TYW5: variants seen among roughly 807,000 people sequenced by gnomAD.
TYW5 encodes tRNA-yW synthesizing protein 5.
A neutral mutation model predicts 44.4 loss-of-function variants in TYW5; 36 were observed. That is an observed-to-expected ratio of 0.81 (90% CI 0.62 to 1.07). TYW5 has a LOEUF of 1.07. Among genes scored for constraint, TYW5 ranks in the 50% least tolerant of loss-of-function variants. TYW5 has a pLI of 0.00. For synonymous variants in TYW5, 121 were observed against 128.1 expected (o/e 0.94, Z 0.37); for missense variants, 354 against 365.7 (o/e 0.97, Z 0.26).
At chr2:199,948,715 G>A (rs2077521818) in intron 1 of TYW5, among the ~76,000 whole-genome samples, 1 of 152,092 alleles carries the variant, frequency 6.6e-6, no homozygotes, top group African/African-American at 2.4e-5. Context: ...AATATATAAT[G>A]ACTAAAATTT....
At chr2:199,949,849 C>T (rs281774) in intron 1 of TYW5, among the ~76,000 whole-genome samples, 126,466 of 152,156 alleles carry the variant, frequency 0.83, 52,670 homozygotes, top group South Asian at 0.91. Flanking sequence ...AAATTCTCCA[C>T]TGAATTATTT....
Position 199,952,498 on chromosome 2 carries a change from T to C in TYW5, c.78+2895A>G, listed in dbSNP as rs914896359. On this transcript the variant is annotated intron_variant, in intron 1 of 7. Transcript: ENST00000354611. Reference sequence around the variant, plus strand: ...GTTTTTTCCCCCCTCAATCGTTTGCTCATTTTTCTACCAGATTTTCAGCCT... The same window carrying C: ...GTTTTTTCCCCCCTCAATCGTTTGCCCATTTTTCTACCAGATTTTCAGCCT... Among the ~76,000 whole-genome samples, 6 of 152,242 alleles carry C rather than the reference T, an allele frequency of 3.9e-5. No homozygotes were observed. The East Asian group carries it at 9.6e-4, about 24-fold the overall frequency.
At chr2:199,936,731 GA>G (rs1452850965) in intron 5 of TYW5, among the ~76,000 whole-genome samples, 2 of 152,324 alleles carry the variant, frequency 1.3e-5, no homozygotes, top group Non-Finnish European at 1.5e-5. Context: ...TGTGGAGTCA[GA>G]AAACGATTTG....
intron 1 of TYW5, among the ~76,000 whole-genome samples, chr2:199,952,470 A>G (rs1238143914): frequency 1.3e-5 from 2 of 152,116 alleles, no homozygotes; most frequent in African/African-American, 4.8e-5. Flanking sequence ...AGGCCATTTT[A>G]ATGTTTTTTC....
chr2:199,942,745 A>G (rs1432850107), intron 3 of TYW5: 1 of 152,170 alleles, frequency 6.6e-6, no homozygotes, highest in East Asian at 1.9e-4. Context: ...GACTGTAAAA[A>G]TGCAGCACCT....
chr2:199,948,144 C>T (rs1235175870), intron 2 of TYW5, 174 bp downstream of exon 2: 4 of 624,540 alleles, frequency 6.4e-6, no homozygotes, highest in Non-Finnish European at 1.1e-5. Context: ...TATGTAAACT[C>T]AGAACTCTTG....
chr2:199,929,794 A>G lies in TYW5; in HGVS notation c.*3273T>C, dbSNP rs2077360033. On this transcript the variant is annotated 3_prime_UTR_variant, in exon 8 of 8. Transcript: ENST00000354611. ...CTAATGTATTCAAATACCAAGACAA[A>G]TAATGTTATGAAATGCTAATAATTA... is the stretch of plus-strand genomic sequence containing the variant. Among the ~76,000 whole-genome samples the G allele has an allele frequency of 6.6e-6, 1 of 151,800 alleles. No individual in the cohort carries two copies. Among genetic ancestry groups the G allele is most frequent in the African/African-American group, 2.4e-5 (1 of 41,324 alleles).
chr2:199,944,044 G>A, intron 2 of TYW5: 1 of 419,200 alleles, frequency 2.4e-6, no homozygotes, highest in Non-Finnish European at 4.2e-6. Context: ...CTGAAATTTT[G>A]GAATTAAATA....
rs376486434 is a variant in TYW5, at chr2:199,933,279, C to T, written c.736G>A (p.Val246Met). 33 of 1,613,788 alleles carry T rather than the reference C, an allele frequency of 2.0e-5. No homozygotes were observed. In the African/African-American group the frequency reaches 4.4e-4, roughly 22 times the overall value. Reference sequence around the variant, plus strand: ...GGAAGGTGCTTCCAAAAGATATTCACTCCCACTCCAAACTCTTCAGAAATT... The same window carrying T: ...GGAAGGTGCTTCCAAAAGATATTCATTCCCACTCCAAACTCTTCAGAAATT... ...NVISEEFGVGVNIFWKHLPSE... is the reference protein window; with the variant it reads ...NVISEEFGVGMNIFWKHLPSE... The change falls in exon 8 of 8, where the codon GTG becomes ATG. Residue 246 changes from valine to methionine, a missense_variant. Physicochemically the swap from Val to Met is conservative, Grantham distance 21. Transcript: ENST00000354611.
intron 7 of TYW5, among the ~76,000 whole-genome samples, chr2:199,935,434 G>GT (rs2077410924): frequency 1.3e-5 from 2 of 151,660 alleles, no homozygotes; most frequent in Admixed American, 1.3e-4. Context: ...CCTCAACCTC[G>GT]TGGGCCCAAG....
At position 199,933,036 on chromosome 2, in the gene TYW5, G is replaced by A. The variant is rs764925979; in HGVS notation, c.*31C>T. The A allele has an allele frequency of 5.0e-6, 8 of 1,605,084 alleles. No individual in the cohort carries two copies. Among genetic ancestry groups the A allele is most frequent in the Non-Finnish European group, 6.8e-6 (8 of 1,176,222 alleles). ...ATTTATATCGTTATACCTTACTAAA[G>A]TGTTAATGTGCATTGCATTCACTTC... On this transcript the variant is annotated 3_prime_UTR_variant, in exon 8 of 8. Transcript: ENST00000354611.
In TYW5 at chr2:199,930,822, A is replaced by G. The variant is rs954713428; in HGVS notation, c.*2245T>C. ...ATCCCGGTTTCTATCACCCATAGCT[A>G]TGTGAACCCAGACAATCATTAAGCA... On this transcript the variant is annotated 3_prime_UTR_variant, in exon 8 of 8. Coordinates refer to ENST00000354611, the MANE Select transcript of TYW5 (RefSeq NM_001039693.3). The G allele has an allele frequency of 6.6e-6, 1 of 152,182 alleles. No individual in the cohort carries two copies. Among genetic ancestry groups the G allele is most frequent in the Non-Finnish European group, 1.5e-5 (1 of 68,028 alleles). The allele number at this position is 152,182 out of a possible 1,614,324, so 9.4% of individuals were successfully genotyped here.
At chr2:199,955,233 T>C in intron 1 of TYW5, 160 bp downstream of exon 1, 1 of 710,922 alleles carries the variant, frequency 1.4e-6, no homozygotes, top group Non-Finnish European at 2.3e-6. Context: ...GCGTCCCCCG[T>C]GCACCTTTCC....
chr2:199,947,860 GGCA>G, intron 2 of TYW5: 1 of 162,400 alleles, frequency 6.2e-6, no homozygotes, highest in Non-Finnish European at 1.3e-5. Context: ...GGGAGGCTGA[GGCA>G]GGTGGATGAC....
At chr2:199,941,123 G>A (rs1376808970) in intron 3 of TYW5, among the ~76,000 whole-genome samples, 4 of 152,076 alleles carry the variant, frequency 2.6e-5, no homozygotes, top group East Asian at 1.9e-4. Flanking sequence ...GCAGTGATGC[G>A]ATCACGCCCA....
In TYW5 at chr2:199,943,813, C is replaced by A; in HGVS notation, c.255G>T (p.Leu85Phe). The change falls in exon 3 of 8, where the codon TTG (leucine) becomes TTT (phenylalanine). Residue 85 changes from leucine (L) to phenylalanine (F), a missense_variant. By Grantham distance (22) the Leu-to-Phe change is conservative. Coordinates refer to ENST00000354611, the MANE Select transcript of TYW5 (RefSeq NM_001039693.3). Reference protein sequence around the residue: ...FVYRTLPFDQLVQRAAEEKHK... With the variant: ...FVYRTLPFDQFVQRAAEEKHK... ...GTTTCTCTTCAGCTGCCCTCTGGACCAACTGGTCAAAAGGTAAAGTTCTGA... is the reference window on the plus strand; with the variant it reads ...GTTTCTCTTCAGCTGCCCTCTGGACAAACTGGTCAAAAGGTAAAGTTCTGA... The A allele has an allele frequency of 6.2e-7, 1 of 1,609,720 alleles. No individual in the cohort carries two copies. The highest frequency in any genetic ancestry group is 8.5e-7 in the Non-Finnish European group (1 of 1,178,988).
Position 199,930,054 on chromosome 2 carries a change from C to G in TYW5, c.*3013G>C, listed in dbSNP as rs1236298889. On this transcript the variant is annotated 3_prime_UTR_variant, in exon 8 of 8. Coordinates refer to ENST00000354611, the MANE Select transcript of TYW5 (RefSeq NM_001039693.3). Reference sequence around the variant, plus strand: ...GCAGTTGCACAATTCCAGCTCACTGCAACCTGCACCTCCCAGGCTCAAGTG... The same window carrying G: ...GCAGTTGCACAATTCCAGCTCACTGGAACCTGCACCTCCCAGGCTCAAGTG... 1 of 148,360 alleles carries G rather than the reference C, an allele frequency of 6.7e-6. No individual in the cohort carries two copies. The highest frequency in any genetic ancestry group is 6.9e-5 in the Admixed American group (1 of 14,532). 9.2% of individuals were successfully genotyped at this position (148,360 alleles called of 1,614,324 possible). A position where few individuals can be genotyped will look rare whatever the true frequency, so the allele number is the denominator to read the frequency against.
At chr2:199,937,559 T>C (rs1464186499) in intron 5 of TYW5, among the ~76,000 whole-genome samples, 1 of 151,748 alleles carries the variant, frequency 6.6e-6, no homozygotes, top group Admixed American at 6.6e-5. Context: ...ATCCTAGCTA[T>C]CTGGGTAGCT....
chr2:199,938,528 T>C (rs2077439507), intron 5 of TYW5, among the ~76,000 whole-genome samples: 2 of 152,226 alleles, frequency 1.3e-5, no homozygotes, highest in South Asian at 4.1e-4. Context: ...TAACTTTGCA[T>C]GACCCAGAGA....
Sources: gnomAD v4.1 joint callset for allele counts (sites outside exome capture counted in the v4.1 genomes callset) on GRCh38, gnomAD v4.1.1 for gene constraint, MANE v1.5 for transcripts, NCBI Gene and HGNC (gene_info 2026-07-23, HGNC 2026-07-21) for gene names.